Variants in SLC5A4 observed in about 807,000 individuals in gnomAD.
SLC5A4 encodes solute carrier family 5 member 4, also known as probable glucose sensor protein SLC5A4.
Under a neutral mutation model 70.3 loss-of-function variants are expected in SLC5A4, and 55 were observed. The observed-to-expected ratio is 0.78, with a 90% CI of 0.63 to 0.98. The LOEUF (loss-of-function observed/expected upper bound fraction) is 0.98, where lower values mean the gene tolerates loss of function less well. Among genes scored for constraint, SLC5A4 ranks in the 50% least tolerant of loss-of-function variants. The pLI is 0.00. For synonymous variants in SLC5A4, 268 were observed against 305.7 expected, an observed-to-expected ratio of 0.88 and a Z score of 1.29; for missense variants, 735 against 839.2, an observed-to-expected ratio of 0.88 and a Z score of 1.53.
At chr22:32,310,580 C>CA in the SLC5A4 span, among the ~76,000 whole-genome samples, 1 of 152,188 alleles carries the variant, frequency 6.6e-6, no homozygotes, top group East Asian at 1.9e-4. Context: ...TGAGACCCCC[C>CA]AGCACAGGTT....
intron 5 of SLC5A4, among the ~76,000 whole-genome samples, chr22:32,240,204 G>A (rs1402781880): frequency 2.0e-5 from 3 of 151,928 alleles, no homozygotes. Context: ...AGATTATGCA[G>A]ACTGTGCTGT....
chr22:32,351,759 T>TGGGGGGGTGGGGGGAGGGTGGGGGGGG, the SLC5A4 span, among the ~76,000 whole-genome samples: 1 of 8,438 alleles, frequency 1.2e-4, no homozygotes, highest in African/African-American at 9.9e-4. Context: ...GGGGGGGGGG[T>TGGGGGGGTGGGGGGAGGGTGGGGGGGG]GGGCGGGTGG....
chr22:32,236,872 T>C (rs1926093221), intron 7 of SLC5A4, among the ~76,000 whole-genome samples: 1 of 151,988 alleles, frequency 6.6e-6, no homozygotes, highest in Non-Finnish European at 1.5e-5. Context: ...GCCGGGCTTA[T>C]TTTTTATATT....
At chr22:32,275,706 G>A in the SLC5A4 span, among the ~76,000 whole-genome samples, 23 of 152,174 alleles carry the variant, frequency 1.5e-4, no homozygotes, top group African/African-American at 4.6e-4. Flanking sequence ...ATAGCAGCAC[G>A]ATTTATAATC....
At chr22:32,325,420 G>A in the SLC5A4 span, among the ~76,000 whole-genome samples, 3 of 152,216 alleles carry the variant, frequency 2.0e-5, no homozygotes, top group African/African-American at 4.8e-5. Context: ...CCCTGGACAA[G>A]GTTTGTTGGG....
chr22:32,292,693 C>G, the SLC5A4 span, among the ~76,000 whole-genome samples: 1 of 152,014 alleles, frequency 6.6e-6, no homozygotes, highest in South Asian at 2.1e-4. Context: ...CTTAATTATA[C>G]AGTATAACAT....
At chr22:32,320,240 G>T in the SLC5A4 span, among the ~76,000 whole-genome samples, 1 of 152,184 alleles carries the variant, frequency 6.6e-6, no homozygotes, top group African/African-American at 2.4e-5. Flanking sequence ...CAATGCATTT[G>T]CTGGTTTGGG....
At chr22:32,264,187 TA>T in the SLC5A4 span, among the ~76,000 whole-genome samples, 14,374 of 146,294 alleles carry the variant, frequency 0.098, 741 homozygotes, top group African/African-American at 0.13. Context: ...TAAAGTATAA[TA>T]AAAAAAAAAT....
intron 14 of SLC5A4, 77 bp from the exon 15 acceptor site, chr22:32,218,802 T>C: frequency 9.9e-7 from 1 of 1,006,794 alleles, no homozygotes; most frequent in Non-Finnish European, 1.5e-6. Flanking sequence ...GTGTAGTACC[T>C]ATGACTGTAA....
intron 12 of SLC5A4, among the ~76,000 whole-genome samples, chr22:32,224,905 G>A (rs1925304299): frequency 6.6e-6 from 1 of 152,200 alleles, no homozygotes; most frequent in African/African-American, 2.4e-5. Flanking sequence ...ATTTCTGTGA[G>A]GAGTTGATGG....
At chr22:32,283,869 C>T in the SLC5A4 span, among the ~76,000 whole-genome samples, 2 of 148,350 alleles carry the variant, frequency 1.3e-5, no homozygotes, top group Admixed American at 1.3e-4. Context: ...CAGCACACCC[C>T]TGAGAATGGT....
At chr22:32,343,971 T>C in the SLC5A4 span, among the ~76,000 whole-genome samples, 9 of 152,212 alleles carry the variant, frequency 5.9e-5, no homozygotes, top group African/African-American at 1.9e-4. Context: ...CTTCGAACAG[T>C]TGTAAGAAAA....
At chr22:32,218,989 T>C (rs1200406559) in intron 14 of SLC5A4, among the ~76,000 whole-genome samples, 2 of 152,198 alleles carry the variant, frequency 1.3e-5, no homozygotes, top group Non-Finnish European at 2.9e-5. Context: ...TTAATATCTT[T>C]AATATATAAT....
At chr22:32,293,711 TTCTG>T in the SLC5A4 span, among the ~76,000 whole-genome samples, 1 of 152,154 alleles carries the variant, frequency 6.6e-6, no homozygotes, top group Non-Finnish European at 1.5e-5. Context: ...CTTTATTCCT[TTCTG>T]TATCATCAAC....
the SLC5A4 span, among the ~76,000 whole-genome samples, chr22:32,274,943 G>C: frequency 2.0e-5 from 3 of 152,192 alleles, no homozygotes; most frequent in Non-Finnish European, 4.4e-5. Flanking sequence ...GTCCTTGAAA[G>C]CTCAGCTTCC....
chr22:32,307,363 C>T, the SLC5A4 span, among the ~76,000 whole-genome samples: 4 of 152,184 alleles, frequency 2.6e-5, no homozygotes, highest in Non-Finnish European at 5.9e-5. Context: ...ATGACACCTC[C>T]AAGGTCACTT....
the SLC5A4 span, chr22:32,272,065 C>T: frequency 4.7e-6 from 3 of 645,042 alleles, no homozygotes; most frequent in African/African-American, 1.8e-5. Context: ...ATTCCCAATG[C>T]CAGGATTGAG....
chr22:32,326,304 G>A, the SLC5A4 span, among the ~76,000 whole-genome samples: 14 of 146,302 alleles, frequency 9.6e-5, no homozygotes, highest in Non-Finnish European at 1.6e-4. Context: ...AGTCTCTGTC[G>A]CCCAGGCAAT....
chr22:32,247,328 C>T (rs1437565118), intron 5 of SLC5A4, 83 bp downstream of exon 5: 5 of 795,650 alleles, frequency 6.3e-6, no homozygotes, highest in Admixed American at 1.9e-5. Context: ...TGACAGTCTA[C>T]ACATCCAGCT....
Sources: allele counts gnomAD v4.1 joint callset (sites outside exome capture counted in the v4.1 genomes callset), GRCh38; gene constraint gnomAD v4.1.1; transcripts MANE v1.5; gene names NCBI Gene and HGNC (gene_info 2026-07-23, HGNC 2026-07-21).